TENM4: variants seen among roughly 807,000 people sequenced by gnomAD.
The protein encoded by TENM4 is teneurin-4.
In TENM4, 82 loss-of-function variants were observed where a neutral mutation model predicts 243.3. The ratio of observed to expected loss-of-function variants is 0.34; its 90% confidence interval spans 0.28 to 0.40. The LOEUF (loss-of-function observed/expected upper bound fraction) is 0.40. Ranked by LOEUF, TENM4 falls within the 10% of genes least tolerant of loss-of-function variation. TENM4 has a pLI of 1.00. For missense variants in TENM4, 3,138 were observed against 3,673.3 expected, an observed-to-expected ratio of 0.85 and a Z score of 3.77; for synonymous variants, 1,412 against 1,456.3, an observed-to-expected ratio of 0.97 and a Z score of 0.69.
At chr11:79,157,493 T>C (rs1440319525) in intron 3 of TENM4, among the ~76,000 whole-genome samples, 4 of 152,180 alleles carry the variant, frequency 2.6e-5, no homozygotes, top group Non-Finnish European at 5.9e-5. Context: ...CTGTGCTCTA[T>C]GTGCTACAGC....
At chr11:79,050,794 T>C (rs1169619672) in intron 6 of TENM4, among the ~76,000 whole-genome samples, 1 of 152,210 alleles carries the variant, frequency 6.6e-6, no homozygotes, top group Non-Finnish European at 1.5e-5. Context: ...AGGATTTGGC[T>C]ATTTATTTGA....
At chr11:79,256,742 C>T (rs1855706703) in intron 2 of TENM4, among the ~76,000 whole-genome samples, 2 of 152,178 alleles carry the variant, frequency 1.3e-5, no homozygotes, top group Non-Finnish European at 2.9e-5. Context: ...TTTGTGGCTC[C>T]TGGACTCTGA....
Position 79,037,214 on chromosome 11 carries a change from T to C in TENM4, c.493+27524A>G, listed in dbSNP as rs552658993. On this transcript the variant is annotated intron_variant, in intron 6 of 33. Transcript: ENST00000278550. ...AGCTGCCTGCTCCTCTAACCTCAAA[T>C]GTGGTCCCTTTAGGAGGCTCTCTTG... 1.5e-3 allele frequency among the ~76,000 whole-genome samples: 225 copies of C among 152,256 alleles called. 5 individuals carry two copies. In the South Asian group the frequency reaches 0.045, roughly 30 times the overall value.
chr11:78,980,593 AG>A (rs1857770005), intron 6 of TENM4, among the ~76,000 whole-genome samples: 29 of 152,250 alleles, frequency 1.9e-4, no homozygotes, highest in Admixed American at 1.9e-3. Flanking sequence ...TATCAACAAT[AG>A]TAACAGTAGC....
intron 16 of TENM4, among the ~76,000 whole-genome samples, chr11:78,784,393 T>C (rs1032301781): frequency 5.9e-5 from 9 of 152,212 alleles, no homozygotes; most frequent in African/African-American, 9.6e-5. Context: ...TACAGGGTTA[T>C]TGAAGTGTTC....
chr11:78,880,990 C>T (rs545941), intron 9 of TENM4, among the ~76,000 whole-genome samples: 44,428 of 151,968 alleles, frequency 0.29, 7,068 homozygotes, highest in African/African-American at 0.4. Context: ...GTGGTGGTCA[C>T]GTAACTCTAC....
intron 4 of TENM4, among the ~76,000 whole-genome samples, chr11:79,077,060 T>C (rs895916368): frequency 6.6e-6 from 1 of 152,174 alleles, no homozygotes; most frequent in African/African-American, 2.4e-5. Context: ...CTCATTCATT[T>C]GGTAATCATT....
intron 1 of TENM4, among the ~76,000 whole-genome samples, chr11:79,418,067 G>A (rs892396591): frequency 3.3e-5 from 5 of 152,156 alleles, no homozygotes; most frequent in African/African-American, 1.2e-4. Context: ...CCTCGCACTA[G>A]ACTAGTACTG....
chr11:79,148,821 A>T lies in TENM4; in HGVS notation c.-162-15T>A. 1.1e-6 allele frequency: 1 copy of T among 930,256 alleles called. No homozygotes were observed. The highest frequency in any genetic ancestry group is 1.3e-6 in the Non-Finnish European group (1 of 779,712). The allele number at this position is 930,256 out of a possible 1,614,324, so 57.6% of individuals were successfully genotyped here. Reference sequence around the variant, plus strand: ...TTTCAGTCTACCTGTTGAAAGAGACAAGAGACAAATCAGTCATTTTTGATG... The same window carrying T: ...TTTCAGTCTACCTGTTGAAAGAGACTAGAGACAAATCAGTCATTTTTGATG... On this transcript the variant is annotated splice_polypyrimidine_tract_variant and intron_variant, in intron 3 of 33. Transcript: ENST00000278550.
intron 2 of TENM4, among the ~76,000 whole-genome samples, chr11:79,237,626 A>G (rs995490254): frequency 2.0e-5 from 3 of 152,148 alleles, no homozygotes; most frequent in Admixed American, 6.5e-5. Context: ...GCAGTGAGCC[A>G]AGTTCGTACC....
chr11:78,704,224 C>T (rs562311137), intron 27 of TENM4, among the ~76,000 whole-genome samples: 54 of 142,050 alleles, frequency 3.8e-4, no homozygotes, highest in Non-Finnish European at 5.7e-4. Flanking sequence ...CTATATTACC[C>T]AGGCTGGTAT....
At chr11:79,024,637 T>C (rs922662579) in intron 6 of TENM4, among the ~76,000 whole-genome samples, 4 of 152,176 alleles carry the variant, frequency 2.6e-5, no homozygotes, top group Non-Finnish European at 4.4e-5. Context: ...ATTGAGAGTA[T>C]TGCTTCTTTT....
At chr11:78,957,393 G>C (rs916338789) in intron 6 of TENM4, among the ~76,000 whole-genome samples, 1 of 152,186 alleles carries the variant, frequency 6.6e-6, no homozygotes. Context: ...CCTTTCAACT[G>C]TTAGAAACAG....
Position 78,805,451 on chromosome 11 carries a change from C to G in TENM4, c.2020G>C (p.Val674Leu). 1.3e-6 allele frequency: 2 copies of G among 1,595,654 alleles called. No individual in the cohort carries two copies. Among genetic ancestry groups the G allele is most frequent in the Non-Finnish European group, 1.7e-6 (2 of 1,170,964 alleles). ...DPTCSGRGVC[V>L]RGECHCSVGW... ...ACAGAGCAGTGGCATTCGCCTCTCA[C>G]GCAGACACCCCGGCCTGAACATGTG... The change falls in exon 15 of 34, where the codon GTG becomes CTG. Residue 674 changes from valine (V) to leucine (L), a missense_variant. Around this residue, in one of 2 missense-constraint regions of TENM4, gnomAD observed 2,467 missense variants for 3,059.1 expected, o/e 0.81. Transcript: ENST00000278550.
chr11:78,962,264 C>T (rs1424612583), intron 6 of TENM4: 1 of 151,716 alleles, frequency 6.6e-6, no homozygotes, highest in Non-Finnish European at 1.5e-5. Flanking sequence ...GCAACCGCCT[C>T]TGGCTCTCAT....
chr11:78,921,803 T>C (rs1856454154), intron 6 of TENM4, among the ~76,000 whole-genome samples: 1 of 152,198 alleles, frequency 6.6e-6, no homozygotes, highest in South Asian at 2.1e-4. Context: ...GAGAATTCCC[T>C]TGGGGCCCTC....
In TENM4 at chr11:79,169,609, C is replaced by T. The variant is rs558698832; in HGVS notation, c.-162-20803G>A. Among the ~76,000 whole-genome samples the T allele has an allele frequency of 4.6e-5, 7 of 152,268 alleles. No homozygotes were observed. In the East Asian group the frequency reaches 1.2e-3, roughly 25 times the overall value. On this transcript the variant is annotated intron_variant, in intron 3 of 33. Transcript: ENST00000278550. ...TTGACACAGTTTTCTTGACAAGATCCAGTGTCAGACTGTGTGATGTGACCC... is the reference window on the plus strand; with the variant it reads ...TTGACACAGTTTTCTTGACAAGATCTAGTGTCAGACTGTGTGATGTGACCC...
intron 2 of TENM4, among the ~76,000 whole-genome samples, chr11:79,246,844 G>A (rs1188877456): frequency 6.7e-6 from 1 of 149,364 alleles, no homozygotes; most frequent in South Asian, 2.2e-4. Context: ...TTTCTTGGGA[G>A]GAGCCCAAGA....
chr11:79,412,294 C>A (rs945222636), intron 1 of TENM4, among the ~76,000 whole-genome samples: 2 of 152,222 alleles, frequency 1.3e-5, no homozygotes, highest in African/African-American at 4.8e-5. Flanking sequence ...GCAAAGATGG[C>A]CAGCTCCCTC....
Sources: gnomAD v4.1 joint callset for allele counts (sites outside exome capture counted in the v4.1 genomes callset) on GRCh38, gnomAD v4.1.1 for gene constraint, gnomAD v4.1.1 regional missense constraint, MANE v1.5 for transcripts, NCBI Gene and HGNC (gene_info 2026-07-23, HGNC 2026-07-21) for gene names.